The following GNGT2 variants were observed in gnomAD, a reference collection of about 807,000 sequenced individuals.
GNGT2 encodes the protein guanine nucleotide-binding protein G(I)/G(S)/G(O) subunit gamma-T2.
Under a neutral mutation model 3.5 loss-of-function variants are expected in GNGT2, and 4 were observed. The ratio of observed to expected loss-of-function variants is 1.13; its 90% CI spans 0.56 to 2.59. GNGT2 has a LOEUF of 2.59. Among genes scored for constraint, GNGT2 ranks in the 30% most tolerant of loss-of-function variants. The pLI, the probability that GNGT2 is intolerant of heterozygous loss-of-function variation, is 0.02. For missense variants in GNGT2, 64 were observed against 81.2 expected (o/e 0.79, Z 0.82); for synonymous variants, 31 against 29.5 (o/e 1.05, Z -0.17).
intron 2 of GNGT2, among the ~76,000 whole-genome samples, chr17:49,208,497 G>A (rs1244697731): frequency 2.6e-5 from 4 of 151,682 alleles, no homozygotes; most frequent in Non-Finnish European, 5.9e-5. Flanking sequence ...AGACAAGGGG[G>A]TCTGGAGCTT....
chr17:49,210,001 A>G lies in GNGT2; in HGVS notation c.-133+443T>C, dbSNP rs1462041617. Among the ~76,000 whole-genome samples the G allele has an allele frequency of 2.6e-5, 4 of 152,116 alleles. No individual in the cohort carries two copies. The East Asian group carries it at 7.7e-4, about 29-fold the overall frequency. ...CTGTTGTCTAATCTGAGTCCCTCAC[A>G]TTACGCTTGGTCAATTTCATCTTGT... On this transcript the variant is annotated intron_variant, in intron 1 of 3. Transcript: ENST00000507680. This position sits in a 1 kb window ranked among gnomAD's most constrained non-coding sequence, Gnocchi z 4.2.
At chr17:49,207,957 G>A (rs2043120714) in intron 2 of GNGT2, among the ~76,000 whole-genome samples, 1 of 151,848 alleles carries the variant, frequency 6.6e-6, no homozygotes, top group Non-Finnish European at 1.5e-5. Context: ...CTTGAGCCCA[G>A]GAGTTCAAGA....
At chr17:49,209,732 G>A (rs2043141445) in intron 1 of GNGT2, among the ~76,000 whole-genome samples, 1 of 152,164 alleles carries the variant, frequency 6.6e-6, no homozygotes, top group Non-Finnish European at 1.5e-5. Context: ...GGGAGGGGCA[G>A]AGAGGAGGCC....
Position 49,210,498 on chromosome 17 carries a change from GCTT to G in GNGT2, c.-190_-188del. 2.3e-6 allele frequency: 1 copy of G among 431,508 alleles called. No homozygotes were observed. Among genetic ancestry groups the G allele is most frequent in the Non-Finnish European group, 4.2e-6 (1 of 240,726 alleles). The allele number at this position is 431,508 out of a possible 1,614,324, so 26.7% of individuals were successfully genotyped here. A position where few individuals can be genotyped will look rare whatever the true frequency, so the allele number is the denominator to read the frequency against. ...GGCTGGGCCCCCAAATGGGCCCCTG[GCTT>G]CCCCCTTCCTCTGGGCAGGGGACAG... On this transcript the variant is annotated 5_prime_UTR_variant, in exon 1 of 4. Coordinates refer to ENST00000507680, the MANE Select transcript of GNGT2 (RefSeq NM_001198754.2). The surrounding 1 kb of genome is among the most constrained non-coding windows in gnomAD (Gnocchi z 4.2).
chr17:49,209,507 G>A (rs2043138872), intron 1 of GNGT2: 2 of 152,312 alleles, frequency 1.3e-5, no homozygotes, highest in African/African-American at 2.4e-5. Flanking sequence ...CCCTGAATGT[G>A]GGTTCCTGAG....
rs2043109510 is a variant in GNGT2 at position 49,206,676 on chromosome 17, C to A, written c.*81G>T. The A allele has an allele frequency of 7.7e-7, 1 of 1,306,684 alleles. No homozygotes were observed. The allele number at this position is 1,306,684 out of a possible 1,614,324, so 80.9% of individuals were successfully genotyped here. A position where few individuals can be genotyped will look rare whatever the true frequency, so the allele number is the denominator to read the frequency against. The stretch of plus-strand genomic sequence containing the variant: ...TCATTCTGTGATGAAGAGAAGGTGA[C>A]AGTTCACTGGCTCCCTGGGGGTCTA... On this transcript the variant is annotated 3_prime_UTR_variant, in exon 4 of 4. Coordinates refer to ENST00000507680, the MANE Select transcript of GNGT2 (RefSeq NM_001198754.2).
At chr17:49,207,247 A>G (rs2043114657) in intron 3 of GNGT2, 92 bp downstream of exon 3, 2 of 947,026 alleles carry the variant, frequency 2.1e-6, no homozygotes, top group East Asian at 4.8e-5. Flanking sequence ...GCAGCCCTGG[A>G]ACAGTCCCAC....
rs1415362354 is a variant in GNGT2 at position 49,207,382 on chromosome 17, TC to T, written c.40del (p.Glu14ArgfsTer5). On this transcript the variant is annotated frameshift_variant, in exon 3 of 4. Coordinates refer to ENST00000507680, the MANE Select transcript of GNGT2 (RefSeq NM_001198754.2). LOFTEE classifies it low-confidence loss of function (END_TRUNC). Reference sequence around the variant, plus strand: ...CACTTCTTTCTTCAGCTGCTCCACCTCCATCTTCAACAGGTCCTTCTCGCTG... The same window carrying T: ...CACTTCTTTCTTCAGCTGCTCCACCTCATCTTCAACAGGTCCTTCTCGCTG... ...DLSEKDLLKM[E>X]VEQLKKEVKN... The T allele has an allele frequency of 6.2e-7, 1 of 1,613,680 alleles. No individual in the cohort carries two copies.
intron 1 of GNGT2, among the ~76,000 whole-genome samples, chr17:49,209,827 C>T (rs547573562): frequency 6.6e-6 from 1 of 152,274 alleles, no homozygotes; most frequent in South Asian, 2.1e-4. Context: ...GAACAGGATC[C>T]TGGAGGTTGT....
At chr17:49,207,532 T>C (rs2043117943) in intron 2 of GNGT2, 88 bp from the exon 3 acceptor site, 4 of 769,060 alleles carry the variant, frequency 5.2e-6, no homozygotes, top group Non-Finnish European at 9.4e-6. Context: ...TTCCCTGCCA[T>C]ATCCCTCAGT....
At chr17:49,206,920 TG>T (rs1368620661) in intron 3 of GNGT2, 38 bp from the exon 4 acceptor site, 1 of 1,612,704 alleles carries the variant, frequency 6.2e-7, no homozygotes, top group Non-Finnish European at 8.5e-7. Context: ...TCCTTGTTAC[TG>T]TCTCTGGGTC....
chr17:49,208,426 A>G (rs1189805875), intron 2 of GNGT2, among the ~76,000 whole-genome samples: 1 of 150,794 alleles, frequency 6.6e-6, no homozygotes, highest in Non-Finnish European at 1.5e-5. Context: ...ACACCACTGC[A>G]CTCCAGCTTA....
chr17:49,206,915 G>T (rs370939227), intron 3 of GNGT2, 33 bp from the exon 4 acceptor site: 6 of 1,613,384 alleles, frequency 3.7e-6, no homozygotes, highest in Non-Finnish European at 4.2e-6. Context: ...TTAGGTCCTT[G>T]TTACTGTCTC....
At chr17:49,208,030 T>C (rs766689088) in intron 2 of GNGT2, among the ~76,000 whole-genome samples, 1 of 151,972 alleles carries the variant, frequency 6.6e-6, no homozygotes, top group Non-Finnish European at 1.5e-5. Flanking sequence ...GCCGGGGTGA[T>C]GGTGAGTGCC....
intron 1 of GNGT2, among the ~76,000 whole-genome samples, chr17:49,209,908 C>G (rs1402888829): frequency 1.3e-5 from 2 of 152,182 alleles, no homozygotes; most frequent in African/African-American, 4.8e-5. Flanking sequence ...GCTCTGTCCA[C>G]CGCTGCTTCC....
At chr17:49,209,761 C>T (rs550982089) in intron 1 of GNGT2, among the ~76,000 whole-genome samples, 6 of 152,328 alleles carry the variant, frequency 3.9e-5, no homozygotes, top group Non-Finnish European at 8.8e-5. Context: ...ATCCTAACTT[C>T]CGTGCTCCAG....
Position 49,210,471 on chromosome 17 carries a change from G to C in GNGT2, c.-160C>G, listed in dbSNP as rs2043151955. ...TGGCTTCCTCTGCTGGGTGGGATTG[G>C]GGGCTGGGCCCCCAAATGGGCCCCT... On this transcript the variant is annotated 5_prime_UTR_variant, in exon 1 of 4. Coordinates refer to ENST00000507680, the MANE Select transcript of GNGT2 (RefSeq NM_001198754.2). The surrounding 1 kb of genome is among the most constrained non-coding windows in gnomAD (Gnocchi z 4.2). 5.0e-6 allele frequency: 2 copies of C among 402,998 alleles called. No individual in the cohort carries two copies. Among genetic ancestry groups the C allele is most frequent in the Admixed American group, 8.0e-5 (2 of 25,152 alleles). The allele number at this position is 402,998 out of a possible 1,614,324, so 25.0% of individuals were successfully genotyped here.
Position 49,207,335 on chromosome 17 carries a change from T to G in GNGT2, c.84+4A>C. 2 of 1,604,474 alleles carry G rather than the reference T, an allele frequency of 1.2e-6. No homozygotes were observed. Among genetic ancestry groups the G allele is most frequent in the Non-Finnish European group, 1.7e-6 (2 of 1,171,210 alleles). On this transcript the variant is annotated splice_donor_region_variant and intron_variant, in intron 3 of 3. Transcript: ENST00000507680. ...AAGAGCAGGGACGGGGCGAGGAGGC[T>G]CACCGGAATTCTTGTGTTTTTCACT... is the stretch of plus-strand genomic sequence containing the variant.
chr17:49,210,482 CCCAA>C lies in GNGT2; in HGVS notation c.-175_-172del. On this transcript the variant is annotated 5_prime_UTR_variant, in exon 1 of 4. In the 5' UTR this introduces an upstream ATG that the reference lacks. Transcript: ENST00000507680. The surrounding 1 kb of genome is among the most constrained non-coding windows in gnomAD (Gnocchi z 4.2). ...GCTGGGTGGGATTGGGGGCTGGGCC[CCCAA>C]ATGGGCCCCTGGCTTCCCCCTTCCT... The C allele has an allele frequency of 2.4e-6, 1 of 409,328 alleles. No individual in the cohort carries two copies. The highest frequency in any genetic ancestry group is 4.3e-6 in the Non-Finnish European group (1 of 231,212). The allele number at this position is 409,328 out of a possible 1,614,324, so 25.4% of individuals were successfully genotyped here.
Sources: allele counts gnomAD v4.1 joint callset (sites outside exome capture counted in the v4.1 genomes callset), GRCh38; gene constraint gnomAD v4.1.1; non-coding constraint Gnocchi (gnomAD v3.1); transcripts MANE v1.5; gene names NCBI Gene and HGNC (gene_info 2026-07-23, HGNC 2026-07-21).